Variants in CFAP298 observed in about 807,000 individuals in gnomAD.
CFAP298 encodes cilia- and flagella-associated protein 298.
Under a neutral mutation model 41.0 loss-of-function variants are expected in CFAP298, and 38 were observed. That is an observed-to-expected ratio of 0.93 (90% CI 0.72 to 1.22). The LOEUF (loss-of-function observed/expected upper bound fraction) is 1.22. Among genes scored for constraint, CFAP298 ranks in the 50% most tolerant of loss-of-function variants. The pLI is 0.00. For missense variants in CFAP298, 348 were observed against 360.3 expected (o/e 0.97, Z 0.28); for synonymous variants, 137 against 135.3 (o/e 1.01, Z -0.09).
chr21:32,612,117 G>C lies in CFAP298; in HGVS notation c.127C>G (p.Arg43Gly). 1 of 1,556,148 alleles carries C rather than the reference G, an allele frequency of 6.4e-7. No individual in the cohort carries two copies. Among genetic ancestry groups the C allele is most frequent in the Non-Finnish European group, 8.7e-7 (1 of 1,150,344 alleles). ...CCGCGAGCCGCACCTGAGCAGAGGC[G>C]CTGCACCTTGAGCCGCCCATTATAG... Reference protein sequence around the residue: ...RVYNGRLKVQRLCSEMEELAE... With the variant: ...RVYNGRLKVQGLCSEMEELAE... Residue 43 changes from arginine (R) to glycine (G), a missense_variant, in exon 1 of 7, where the codon CGC (arginine) becomes GGC (glycine). Arg to Gly is a moderately radical substitution (Grantham distance 125). Transcript: ENST00000290155.
In CFAP298 at chr21:32,609,848, C is replaced by G. The variant is rs772643740; in HGVS notation, c.297G>C (p.Arg99Ser). The change falls in exon 2 of 7, where the codon AGG (arginine) becomes AGC (serine). Residue 99 changes from arginine (R) to serine (S), a missense_variant. By Grantham distance (110) the Arg-to-Ser change is moderately radical. Transcript: ENST00000290155. Reference protein sequence around the residue: ...AVFKKDDIGRRNGQAPNEKMK... With the variant: ...AVFKKDDIGRSNGQAPNEKMK... ...GAAATCCTCACTTACCTTGCCCATT[C>G]CTTCGTCCAATATCATCCTTTTTAA... 24 of 1,613,396 alleles carry G rather than the reference C, an allele frequency of 1.5e-5. No homozygotes were observed. The highest frequency in any genetic ancestry group is 4.0e-5 in the African/African-American group (3 of 74,916).
Position 32,604,264 on chromosome 21 carries a change from A to C in CFAP298, c.395T>G (p.Val132Gly), listed in dbSNP as rs752304837. ...IISKKQVEAG[V>G]CVTMEMVKDA... ...TTTCACCATCTCCATGGTAACACAG[A>C]CACCGGCTTCCACTTGTTTCTGCAA... The change falls in exon 4 of 7, where the codon GTC (valine) becomes GGC (glycine). Residue 132 changes from valine to glycine, a missense_variant. By Grantham distance (109) the Val-to-Gly change is moderately radical (BLOSUM62 -3). Transcript: ENST00000290155. 1 of 1,614,106 alleles carries C rather than the reference A, an allele frequency of 6.2e-7. No homozygotes were observed. Among genetic ancestry groups the C allele is most frequent in the East Asian group, 2.2e-5 (1 of 44,860 alleles).
chr21:32,604,815 G>A (rs1048983389), intron 3 of CFAP298, among the ~76,000 whole-genome samples: 2 of 152,228 alleles, frequency 1.3e-5, no homozygotes, highest in Admixed American at 6.5e-5. Context: ...GTTAGGCCAC[G>A]GGAAGCGACT....
intron 5 of CFAP298, chr21:32,602,644 G>A: frequency 7.8e-7 from 1 of 1,282,674 alleles, no homozygotes. Flanking sequence ...GTGGGAAAGG[G>A]AGGATGCTCA....
intron 5 of CFAP298, chr21:32,602,803 T>TC (rs2038774122): frequency 1.5e-6 from 2 of 1,363,500 alleles, no homozygotes; most frequent in South Asian, 1.7e-5. Context: ...CCTTTCCTCC[T>TC]CCCCCTCCTG....
chr21:32,609,332 T>C (rs1320767113), intron 2 of CFAP298, among the ~76,000 whole-genome samples: 1 of 152,208 alleles, frequency 6.6e-6, no homozygotes, highest in Admixed American at 6.5e-5. Context: ...GTTCGTCGAA[T>C]ACATATAAAA....
chr21:32,607,391 C>T (rs1453569603), intron 3 of CFAP298, among the ~76,000 whole-genome samples: 4 of 151,946 alleles, frequency 2.6e-5, no homozygotes, highest in African/African-American at 4.8e-5. Flanking sequence ...GTCAGGAGTT[C>T]GAGACCAGCC....
intron 3 of CFAP298, among the ~76,000 whole-genome samples, chr21:32,605,474 G>A (rs753200234): frequency 1.4e-4 from 21 of 152,184 alleles, no homozygotes; most frequent in Non-Finnish European, 2.8e-4. Context: ...TGGAGCTTTC[G>A]GCCTCACTCC....
intron 3 of CFAP298, among the ~76,000 whole-genome samples, chr21:32,606,030 G>A (rs558183792): frequency 7.9e-5 from 12 of 152,192 alleles, no homozygotes; most frequent in Non-Finnish European, 1.5e-4. Context: ...CAAACCTAGA[G>A]GTGACAGAAG....
In CFAP298 at chr21:32,612,024, C is replaced by A. The variant is rs1006244266; in HGVS notation, c.139+81G>T. The A allele has an allele frequency of 2.1e-6, 3 of 1,422,064 alleles. No individual in the cohort carries two copies. In the African/African-American group the frequency reaches 4.4e-5, roughly 21 times the overall value. 88.1% of individuals were successfully genotyped at this position (1,422,064 alleles called of 1,614,324 possible). The stretch of plus-strand genomic sequence containing the variant: ...TTCAATAATCTTCACAAACCTGACC[C>A]CTCGGCCCACCCTGCCCCTCTTTCT... On this transcript the variant is annotated intron_variant, in intron 1 of 6. Coordinates refer to ENST00000290155, the MANE Select transcript of CFAP298 (RefSeq NM_021254.4).
intron 1 of CFAP298, among the ~76,000 whole-genome samples, chr21:32,610,819 C>T (rs532952318): frequency 1.3e-5 from 2 of 151,930 alleles, no homozygotes; most frequent in African/African-American, 2.4e-5. Context: ...CATATTCATG[C>T]AATTTAATAA....
chr21:32,609,853 G>C lies in CFAP298; in HGVS notation c.292C>G (p.Arg98Gly). Reference sequence around the variant, plus strand: ...CCTCACTTACCTTGCCCATTCCTTCGTCCAATATCATCCTTTTTAAACACT... The same window carrying C: ...CCTCACTTACCTTGCCCATTCCTTCCTCCAATATCATCCTTTTTAAACACT... ...GAVFKKDDIG[R>G]RNGQAPNEKM... The change falls in exon 2 of 7, where the codon CGA becomes GGA. Residue 98 changes from arginine (R) to glycine (G), a missense_variant. Transcript: ENST00000290155. 6.2e-7 allele frequency: 1 copy of C among 1,613,472 alleles called. No homozygotes were observed. The highest frequency in any genetic ancestry group is 8.5e-7 in the Non-Finnish European group (1 of 1,179,802).
chr21:32,602,258 C>A lies in CFAP298; in HGVS notation c.762+14G>T. 6.2e-7 allele frequency: 1 copy of A among 1,613,232 alleles called. No homozygotes were observed. Among genetic ancestry groups the A allele is most frequent in the Non-Finnish European group, 8.5e-7 (1 of 1,179,358 alleles). On this transcript the variant is annotated intron_variant, in intron 6 of 6. Coordinates refer to ENST00000290155, the MANE Select transcript of CFAP298 (RefSeq NM_021254.4). ...GGCGCCAGCACTGCAGAAAGCCCAT[C>A]TGTCCCCTGCTACCTTGAGCTCCTC...
intron 1 of CFAP298, among the ~76,000 whole-genome samples, 166 bp from the exon 2 acceptor site, chr21:32,610,171 G>A (rs1268133105): frequency 6.6e-6 from 1 of 152,168 alleles, no homozygotes. Context: ...CTTTGACACG[G>A]GGGCATGGTA....
chr21:32,600,797 C>T lies in CFAP298; in HGVS notation c.*1066G>A, dbSNP rs1305109267. 6.6e-6 allele frequency among the ~76,000 whole-genome samples: 1 copy of T among 152,218 alleles called. No individual in the cohort carries two copies. The highest frequency in any genetic ancestry group is 2.4e-5 in the African/African-American group (1 of 41,454). On this transcript the variant is annotated 3_prime_UTR_variant, in exon 7 of 7. Coordinates refer to ENST00000290155, the MANE Select transcript of CFAP298 (RefSeq NM_021254.4). Reference sequence around the variant, plus strand: ...CCCCGCATCCATAGGGAGAAATCATCACCCTCTACCGGGATCTGGATTTGT... The same window carrying T: ...CCCCGCATCCATAGGGAGAAATCATTACCCTCTACCGGGATCTGGATTTGT...
rs779235313 is a variant in CFAP298 at position 32,609,948 on chromosome 21, G to A, written c.197C>T (p.Thr66Ile). The change falls in exon 2 of 7, where the codon ACC becomes ATC. Residue 66 changes from threonine to isoleucine, a missense_variant. Physicochemically the swap from Thr to Ile is moderately conservative, Grantham distance 89. Coordinates refer to ENST00000290155, the MANE Select transcript of CFAP298 (RefSeq NM_021254.4). ...IFLPPNMQGLTDDQIEELKLK... is the reference protein window; with the variant it reads ...IFLPPNMQGLIDDQIEELKLK... ...TTTCAATTCTTCAATCTGATCATCG[G>A]TCAGTCCTTGCATATTAGGAGGGAG... 21 of 1,613,724 alleles carry A rather than the reference G, an allele frequency of 1.3e-5. No homozygotes were observed. The highest frequency in any genetic ancestry group is 1.7e-5 in the Non-Finnish European group (20 of 1,179,854).
chr21:32,608,656 C>CAAAAA (rs57270252), intron 2 of CFAP298, among the ~76,000 whole-genome samples: 2 of 54,994 alleles, frequency 3.6e-5, no homozygotes, highest in East Asian at 6.9e-4. Flanking sequence ...GACTCTGTCT[C>CAAAAA]AAAAAAAAAA....
chr21:32,600,100 C>T lies in CFAP298; in HGVS notation c.*1763G>A, dbSNP rs1424476327. On this transcript the variant is annotated 3_prime_UTR_variant, in exon 7 of 7. Coordinates refer to ENST00000290155, the MANE Select transcript of CFAP298 (RefSeq NM_021254.4). ...TACAAGTCTGAGCATGAATTTAACACACACGAACTATACACTGACAAAGAC... is the reference window on the plus strand; with the variant it reads ...TACAAGTCTGAGCATGAATTTAACATACACGAACTATACACTGACAAAGAC... Among the ~76,000 whole-genome samples the T allele has an allele frequency of 1.3e-5, 2 of 152,222 alleles. No homozygotes were observed. The highest frequency in any genetic ancestry group is 2.4e-5 in the African/African-American group (1 of 41,448).
Position 32,612,298 on chromosome 21 carries a change from G to T in CFAP298, c.-55C>A, listed in dbSNP as rs1236839028. ...AGAAGGCCCCGGCTGCGTGGCCCGC[G>T]GGTCCTGCCGGCCGAGGGTCGCCGG... On this transcript the variant is annotated 5_prime_UTR_variant, in exon 1 of 7. Coordinates refer to ENST00000290155, the MANE Select transcript of CFAP298 (RefSeq NM_021254.4). 7.3e-7 allele frequency: 1 copy of T among 1,378,748 alleles called. No individual in the cohort carries two copies. Among genetic ancestry groups the T allele is most frequent in the Admixed American group, 2.3e-5 (1 of 43,544 alleles). 85.4% of individuals were successfully genotyped at this position (1,378,748 alleles called of 1,614,324 possible). A position where few individuals can be genotyped will look rare whatever the true frequency, so the allele number is the denominator to read the frequency against.
Sources: gnomAD v4.1 joint callset for allele counts (sites outside exome capture counted in the v4.1 genomes callset) on GRCh38, gnomAD v4.1.1 for gene constraint, MANE v1.5 for transcripts, NCBI Gene and HGNC (gene_info 2026-07-23, HGNC 2026-07-21) for gene names.